Variants in CHL1 observed in about 807,000 individuals in gnomAD.
CHL1 encodes cell adhesion molecule L1 like.
In CHL1, 96 loss-of-function variants were observed where a neutral mutation model predicts 141.9. The ratio of observed to expected loss-of-function variants is 0.68; its 90% confidence interval spans 0.57 to 0.80. The LOEUF is 0.80. Ranked by LOEUF, CHL1 falls within the 30% of genes least tolerant of loss-of-function variation. CHL1 has a pLI of 0.00. For missense variants in CHL1, 1,820 were observed against 1,457.2 expected, an observed-to-expected ratio of 1.25 and a Z score of -4.05; for synonymous variants, 613 against 502.2, an observed-to-expected ratio of 1.22 and a Z score of -2.95.
chr3:396,807 A>ATAT (rs1708712859), intron 24 of CHL1, among the ~76,000 whole-genome samples: 1 of 152,084 alleles, frequency 6.6e-6, no homozygotes, highest in South Asian at 2.1e-4. Flanking sequence ...AAGTACAGGG[A>ATAT]AAAAAATTAC....
intron 2 of CHL1, among the ~76,000 whole-genome samples, chr3:251,241 A>G (rs554363270): frequency 2.0e-3 from 309 of 152,264 alleles, no homozygotes; most frequent in African/African-American, 6.8e-3. Context: ...TGTGGAATCC[A>G]TCTGTGCTGG....
rs767763522 is a variant in CHL1 at position 344,693 on chromosome 3, T to A, written c.832T>A (p.Cys278Ser). The A allele has an allele frequency of 6.2e-7, 1 of 1,613,748 alleles. No homozygotes were observed. The highest frequency in any genetic ancestry group is 8.5e-7 in the Non-Finnish European group (1 of 1,179,824). Residue 278 changes from cysteine (C) to serine (S), a missense_variant, in exon 9 of 28, where the codon TGT (cysteine) becomes AGT (serine). Transcript: ENST00000256509. ...CAAAGGGGAAATCTTGCTGCTTGAG[T>A]GTTTTGCTGAAGGCTTGTGAGTAAC... is the stretch of plus-strand genomic sequence containing the variant. ...ILKGEILLLE[C>S]FAEGLPTPQV... is the part of the protein sequence containing the mutation.
At chr3:385,376 A>G (rs1707558795) in intron 19 of CHL1, among the ~76,000 whole-genome samples, 1 of 152,058 alleles carries the variant, frequency 6.6e-6, no homozygotes, top group Non-Finnish European at 1.5e-5. Context: ...GAGTTTAATG[A>G]CCTCACCCAG....
rs573001707 is a variant in CHL1 at position 244,187 on chromosome 3, G to T, written c.-174-426G>T. Among the ~76,000 whole-genome samples the T allele has an allele frequency of 1.7e-4, 26 of 152,224 alleles. No homozygotes were observed. In the South Asian group the frequency reaches 5.4e-3, roughly 32 times the overall value. On this transcript the variant is annotated intron_variant, in intron 1 of 27. Transcript: ENST00000256509. ...AATGCTTCCTGACGAAGCTCTCCTC[G>T]TTTTGGTCCATATCGTTTTATTTTG...
At chr3:375,637 A>G (rs995768712) in intron 15 of CHL1, among the ~76,000 whole-genome samples, 2 of 152,038 alleles carry the variant, frequency 1.3e-5, no homozygotes, top group African/African-American at 4.8e-5. Context: ...CCAAAAATGA[A>G]TGAAATCAAC....
chr3:343,329 T>C (rs979834885), intron 8 of CHL1, among the ~76,000 whole-genome samples: 6 of 152,096 alleles, frequency 3.9e-5, no homozygotes, highest in Admixed American at 3.9e-4. Flanking sequence ...TCTCTTATGG[T>C]ATATAAGGTT....
At chr3:311,364 C>A (rs1340444042) in intron 2 of CHL1, among the ~76,000 whole-genome samples, 1 of 139,496 alleles carries the variant, frequency 7.2e-6, no homozygotes, top group African/African-American at 2.6e-5. Flanking sequence ...GACCACACAA[C>A]TTTTTTTTTT....
chr3:341,867 G>T, intron 6 of CHL1, 45 bp from the exon 7 acceptor site: 1 of 1,465,214 alleles, frequency 6.8e-7, no homozygotes, highest in Non-Finnish European at 9.3e-7. Flanking sequence ...ATGAAGCACA[G>T]TAAGGGACAA....
chr3:266,736 A>T (rs968626907), intron 2 of CHL1, among the ~76,000 whole-genome samples: 1 of 152,228 alleles, frequency 6.6e-6, no homozygotes, highest in Non-Finnish European at 1.5e-5. Flanking sequence ...AGCACACTGT[A>T]GATTCTTAAA....
In CHL1 at chr3:342,051, G is replaced by A. The variant is rs116736772; in HGVS notation, c.648G>A (p.Gln216=). ...AAFPRLRTIV[Q]KMPMKLTVNS... is the part of the protein sequence containing the mutation. ...TTCCAAGATTAAGGACTATTGTACA[G>A]AAAATGCCAATGAAACTAACAGTTA... The change falls in exon 7 of 28, where the codon CAG becomes CAA. Residue 216 remains glutamine, a synonymous_variant. Transcript: ENST00000256509. The A allele has an allele frequency of 5.2e-4, 833 of 1,612,536 alleles. 4 individuals carry two copies. In the African/African-American group the frequency reaches 5.6e-3, roughly 11 times the overall value.
chr3:279,984 T>C (rs776330602), intron 2 of CHL1, among the ~76,000 whole-genome samples: 2 of 152,028 alleles, frequency 1.3e-5, no homozygotes, highest in Non-Finnish European at 2.9e-5. Context: ...AGATCATTTT[T>C]TCACACTGAG....
intron 1 of CHL1, among the ~76,000 whole-genome samples, chr3:212,074 T>G (rs978150828): frequency 6.6e-6 from 1 of 152,146 alleles, no homozygotes; most frequent in Non-Finnish European, 1.5e-5. Flanking sequence ...TGACATAACC[T>G]AAAATGTTAT....
intron 19 of CHL1, among the ~76,000 whole-genome samples, chr3:387,492 C>T (rs1045645982): frequency 1.1e-4 from 17 of 151,952 alleles, no homozygotes; most frequent in South Asian, 2.1e-4. Flanking sequence ...CTAAAAAGGC[C>T]GCTAATATAG....
At chr3:324,695 G>A (rs1444813122) in intron 3 of CHL1, among the ~76,000 whole-genome samples, 1 of 151,566 alleles carries the variant, frequency 6.6e-6, no homozygotes, top group East Asian at 1.9e-4. Context: ...CTCAAGCGCA[G>A]TGGCTTGATC....
intron 15 of CHL1, among the ~76,000 whole-genome samples, chr3:368,629 T>G (rs61377773): frequency 0.061 from 9,257 of 152,246 alleles, 392 homozygotes; most frequent in African/African-American, 0.11. Flanking sequence ...GGCTTTTGTT[T>G]CAATTGCTTT....
chr3:220,922 C>T (rs1023100885), intron 1 of CHL1, among the ~76,000 whole-genome samples: 1 of 152,190 alleles, frequency 6.6e-6, no homozygotes, highest in Non-Finnish European at 1.5e-5. Context: ...AATCAATTGT[C>T]TCTGAAGCCT....
intron 9 of CHL1, among the ~76,000 whole-genome samples, chr3:345,659 A>G (rs1702710658): frequency 6.6e-6 from 1 of 151,604 alleles, no homozygotes; most frequent in Admixed American, 6.6e-5. Flanking sequence ...AGTTTTTTGT[A>G]TTTTTAGTAG....
chr3:226,487 G>T (rs576931146), intron 1 of CHL1, among the ~76,000 whole-genome samples: 111 of 150,124 alleles, frequency 7.4e-4, no homozygotes, highest in African/African-American at 2.5e-3. Context: ...TGTCGCCCAG[G>T]CTGGGGTGCA....
At chr3:266,179 G>T (rs1374057859) in intron 2 of CHL1, among the ~76,000 whole-genome samples, 4 of 152,128 alleles carry the variant, frequency 2.6e-5, no homozygotes, top group Non-Finnish European at 2.9e-5. Flanking sequence ...TCAGGACTTG[G>T]TCCTATAGCT....
Sources: allele counts gnomAD v4.1 joint callset (sites outside exome capture counted in the v4.1 genomes callset), GRCh38; gene constraint gnomAD v4.1.1; transcripts MANE v1.5; gene names NCBI Gene and HGNC (gene_info 2026-07-23, HGNC 2026-07-21).